The following EPHA6 variants were observed in gnomAD, a reference collection of about 807,000 sequenced individuals.
EPHA6 encodes ephrin type-A receptor 6.
Under a neutral mutation model 112.0 loss-of-function variants are expected in EPHA6, and 50 were observed. That is an observed-to-expected ratio of 0.45 (90% confidence interval 0.36 to 0.56). EPHA6 has a LOEUF of 0.56. Ranked by LOEUF, EPHA6 falls within the 20% of genes least tolerant of loss-of-function variation. EPHA6 has a pLI of 0.00. For missense variants in EPHA6, 1,280 were observed against 1,417.4 expected, an observed-to-expected ratio of 0.90 and a Z score of 1.56; for synonymous variants, 529 against 490.7, an observed-to-expected ratio of 1.08 and a Z score of -1.03.
chr3:97,334,784 A>T (rs1351428852), intron 5 of EPHA6, among the ~76,000 whole-genome samples: 1 of 151,998 alleles, frequency 6.6e-6, no homozygotes, highest in Non-Finnish European at 1.5e-5. Flanking sequence ...TTGAAAATGT[A>T]ATTCTATTGA....
chr3:97,053,080 G>A (rs927134115), intron 3 of EPHA6, among the ~76,000 whole-genome samples: 10 of 152,078 alleles, frequency 6.6e-5, no homozygotes, highest in Admixed American at 2.6e-4. Context: ...TAAAAGCATA[G>A]GGATTAATTA....
At chr3:97,481,558 C>A in intron 9 of EPHA6, 6 of 660,886 alleles carry the variant, frequency 9.1e-6, no homozygotes, top group South Asian at 8.6e-5. Context: ...CGCCGGGGCG[C>A]GGCGCGTCCG....
rs751817193 is a variant in EPHA6, at chr3:97,532,454, G to A, written c.2297G>A (p.Arg766Gln). Residue 766 changes from arginine to glutamine, a missense_variant, in exon 11 of 18, where the codon CGG becomes CAG. By Grantham distance (43) the Arg-to-Gln change is conservative (BLOSUM62 1). Coordinates refer to ENST00000389672, the MANE Select transcript of EPHA6 (RefSeq NM_001080448.3). The stretch of plus-strand genomic sequence containing the variant: ...ACTTTGAAAGGTGGCCACATGGATC[G>A]GCAAAGAAGAGATTTTCTAAGAGAA... ...IKTLKGGHMD[R>Q]QRRDFLREAS... The A allele has an allele frequency of 1.4e-5, 22 of 1,612,320 alleles. No individual in the cohort carries two copies. The East Asian group carries it at 2.5e-4, about 18-fold the overall frequency.
At chr3:96,870,828 A>G (rs1010321608) in intron 2 of EPHA6, among the ~76,000 whole-genome samples, 1 of 152,102 alleles carries the variant, frequency 6.6e-6, no homozygotes, top group Non-Finnish European at 1.5e-5. Flanking sequence ...TGGATGTACT[A>G]TGATAGAGAA....
chr3:97,074,512 A>G (rs1156621063), intron 3 of EPHA6, among the ~76,000 whole-genome samples: 3 of 151,902 alleles, frequency 2.0e-5, no homozygotes, highest in Non-Finnish European at 2.9e-5. Context: ...TTTTTTAAGT[A>G]TGAGTAAGAT....
intron 7 of EPHA6, among the ~76,000 whole-genome samples, chr3:97,454,517 T>C (rs1022192090): frequency 6.6e-6 from 1 of 151,866 alleles, no homozygotes. Flanking sequence ...CAGATAATTT[T>C]ATTTGCCATA....
intron 3 of EPHA6, among the ~76,000 whole-genome samples, chr3:97,073,721 T>C (rs184611687): frequency 1.3e-5 from 2 of 152,102 alleles, no homozygotes. Context: ...TTTTTCATTA[T>C]TTTTTGCAGA....
intron 3 of EPHA6, among the ~76,000 whole-genome samples, chr3:97,084,274 C>A (rs1162159943): frequency 6.6e-6 from 1 of 150,780 alleles, no homozygotes; most frequent in East Asian, 2.0e-4. Context: ...GTGTCATACA[C>A]AAAAAAAGTT....
chr3:97,016,856 A>C (rs143860187), intron 3 of EPHA6, among the ~76,000 whole-genome samples: 4 of 152,128 alleles, frequency 2.6e-5, no homozygotes, highest in Admixed American at 1.3e-4. Context: ...TTATTTTGCC[A>C]TTTGTTCATG....
chr3:97,322,791 C>T (rs990529352), intron 5 of EPHA6, among the ~76,000 whole-genome samples: 6 of 151,956 alleles, frequency 3.9e-5, no homozygotes, highest in African/African-American at 1.4e-4. Flanking sequence ...AATGGAAAAA[C>T]TAAGACTTTA....
chr3:97,115,106 C>G (rs1369266732), intron 3 of EPHA6, among the ~76,000 whole-genome samples: 1 of 151,872 alleles, frequency 6.6e-6, no homozygotes. Flanking sequence ...TGTAAGTCAG[C>G]TATCAAAAGG....
chr3:97,700,566 A>G (rs1280374021), intron 14 of EPHA6, among the ~76,000 whole-genome samples: 2 of 152,212 alleles, frequency 1.3e-5, no homozygotes, highest in Admixed American at 6.5e-5. Flanking sequence ...ATATTTGTGT[A>G]ACTTTTAGGA....
At chr3:97,304,352 C>A (rs2081222822) in intron 5 of EPHA6, among the ~76,000 whole-genome samples, 3 of 151,832 alleles carry the variant, frequency 2.0e-5, no homozygotes. Context: ...ATGCTATTCC[C>A]ATTAAATTAC....
At chr3:97,609,044 T>C (rs942222977) in intron 12 of EPHA6, among the ~76,000 whole-genome samples, 8 of 151,358 alleles carry the variant, frequency 5.3e-5, no homozygotes, top group Non-Finnish European at 8.9e-5. Context: ...CTCTTTTTAT[T>C]CTAGTAAGAC....
intron 2 of EPHA6, among the ~76,000 whole-genome samples, chr3:96,932,800 G>A (rs1329166924): frequency 2.0e-5 from 3 of 151,942 alleles, no homozygotes; most frequent in Non-Finnish European, 4.4e-5. Flanking sequence ...TTTTTTGGCT[G>A]TTTTTAAAGT....
At chr3:97,527,685 G>A (rs1455152936) in intron 10 of EPHA6, among the ~76,000 whole-genome samples, 1 of 151,910 alleles carries the variant, frequency 6.6e-6, no homozygotes, top group South Asian at 2.1e-4. Context: ...TTGCATTTGG[G>A]AAAAAAAGTG....
At position 97,705,383 on chromosome 3, in the gene EPHA6, C is replaced by T. The variant is rs762164639; in HGVS notation, c.2785-14878C>T. Among the ~76,000 whole-genome samples, 12 of 152,204 alleles carry T rather than the reference C, an allele frequency of 7.9e-5. No individual in the cohort carries two copies. The Middle Eastern group carries it at 0.02, about 259-fold the overall frequency. ...CTCTCCTGACTCTCCACTATCATGG[C>T]GCCTCTCACATTTCATGGCGCCTCT... On this transcript the variant is annotated intron_variant, in intron 14 of 17. Coordinates refer to ENST00000389672, the MANE Select transcript of EPHA6 (RefSeq NM_001080448.3).
chr3:97,468,204 G>T (rs2091118072), intron 7 of EPHA6, among the ~76,000 whole-genome samples: 1 of 150,970 alleles, frequency 6.6e-6, no homozygotes, highest in Non-Finnish European at 1.5e-5. Context: ...GATCCATGAG[G>T]TTTGTTTCCA....
chr3:97,434,947 A>G (rs1041275447), intron 6 of EPHA6, among the ~76,000 whole-genome samples: 20 of 135,822 alleles, frequency 1.5e-4, no homozygotes, highest in Non-Finnish European at 2.5e-4. Context: ...CTCCTCCTCC[A>G]CATGATTATC....
Sources: gnomAD v4.1 joint callset for allele counts (sites outside exome capture counted in the v4.1 genomes callset) on GRCh38, gnomAD v4.1.1 for gene constraint, MANE v1.5 for transcripts, NCBI Gene and HGNC (gene_info 2026-07-23, HGNC 2026-07-21) for gene names.